RYR2: variants seen among roughly 807,000 people sequenced by gnomAD.
RYR2 encodes cardiac muscle ryanodine receptor-calcium release channel.
Under a neutral mutation model 601.1 loss-of-function variants are expected in RYR2, and 227 were observed. The ratio of observed to expected loss-of-function variants is 0.38; its 90% CI spans 0.34 to 0.42. The LOEUF is 0.42. Ranked by LOEUF, RYR2 falls within the 10% of genes least tolerant of loss-of-function variation. The pLI is 1.00. For missense variants in RYR2, 4,646 were observed against 6,156.5 expected (o/e 0.75, Z 8.21); for synonymous variants, 2,223 against 2,175.1 (o/e 1.02, Z -0.61).
chr1:237,309,157 C>A (rs12039527), intron 2 of RYR2, among the ~76,000 whole-genome samples: 2 of 126,836 alleles, frequency 1.6e-5, no homozygotes, highest in Admixed American at 1.6e-4. Flanking sequence ...ATTAGCTAGA[C>A]ACAGAGCACT....
At chr1:237,382,488 T>C (rs377560746) in intron 8 of RYR2, among the ~76,000 whole-genome samples, 19 of 151,832 alleles carry the variant, frequency 1.3e-4, no homozygotes, top group African/African-American at 4.6e-4. Flanking sequence ...TAACTTGTCA[T>C]TTACATTACG....
chr1:237,434,039 A>G (rs1707106853), intron 12 of RYR2, among the ~76,000 whole-genome samples: 1 of 152,198 alleles, frequency 6.6e-6, no homozygotes, highest in South Asian at 2.1e-4. Flanking sequence ...ATCTGGGTTT[A>G]GGAGTTTTGG....
At chr1:237,695,202 A>G (rs1450103230) in intron 63 of RYR2, among the ~76,000 whole-genome samples, 2 of 152,216 alleles carry the variant, frequency 1.3e-5, no homozygotes, top group African/African-American at 4.8e-5. Context: ...TGTTGTTTTT[A>G]TTATTTAGAG....
At chr1:237,284,639 T>G (rs1016617389) in intron 2 of RYR2, among the ~76,000 whole-genome samples, 4 of 132,808 alleles carry the variant, frequency 3.0e-5, no homozygotes, top group Non-Finnish European at 6.4e-5. Context: ...ATATGTATAG[T>G]GTGTGTATAT....
At chr1:237,515,572 A>G (rs979302503) in intron 24 of RYR2, among the ~76,000 whole-genome samples, 1 of 151,948 alleles carries the variant, frequency 6.6e-6, no homozygotes, top group Admixed American at 6.6e-5. Context: ...TTTTTGTCCA[A>G]GAGAGCAAGT....
intron 19 of RYR2, among the ~76,000 whole-genome samples, chr1:237,495,351 A>G (rs1663957093): frequency 6.6e-6 from 1 of 152,052 alleles, no homozygotes; most frequent in African/African-American, 2.4e-5. Context: ...TTCCAACCAC[A>G]CTGTGCTGGA....
In RYR2 at chr1:237,376,675, GCTTGA is replaced by G. The variant is rs71745673; in HGVS notation, c.464-643_464-639del. Among the ~76,000 whole-genome samples the G allele has an allele frequency of 6.1e-3, 927 of 152,272 alleles. 14 individuals are homozygous for G. Among genetic ancestry groups the G allele is most frequent in the African/African-American group, 0.02 (826 of 41,564 alleles). ...GAGACATGTGGCTCATGAGGCTTAT[GCTTGA>G]CTTGTGCTAGAAGAAATTGTTTGGT... On this transcript the variant is annotated intron_variant, in intron 7 of 104. Coordinates refer to ENST00000366574, the MANE Select transcript of RYR2 (RefSeq NM_001035.3).
chr1:237,532,482 A>C (rs1264105936), intron 25 of RYR2, among the ~76,000 whole-genome samples: 4 of 152,056 alleles, frequency 2.6e-5, no homozygotes, highest in African/African-American at 9.7e-5. Context: ...GAATCTACCT[A>C]ACTTCCAAAA....
chr1:237,366,373 C>T (rs1700193400), intron 5 of RYR2, among the ~76,000 whole-genome samples: 1 of 152,132 alleles, frequency 6.6e-6, no homozygotes, highest in African/African-American at 2.4e-5. Context: ...TTGTTACAGT[C>T]CTTCGGTGAC....
At chr1:237,762,425 C>G (rs150870395) in intron 84 of RYR2, among the ~76,000 whole-genome samples, 1 of 152,194 alleles carries the variant, frequency 6.6e-6, no homozygotes, top group Non-Finnish European at 1.5e-5. Flanking sequence ...TGAATGAAGT[C>G]TCTGTCCAAA....
chr1:237,477,023 G>C (rs184987622), intron 17 of RYR2, among the ~76,000 whole-genome samples: 1 of 152,138 alleles, frequency 6.6e-6, no homozygotes, highest in Non-Finnish European at 1.5e-5. Flanking sequence ...GTTAGCCAGA[G>C]GAATAAAAGA....
chr1:237,318,382 A>G (rs1695309371), intron 2 of RYR2, among the ~76,000 whole-genome samples: 2 of 152,248 alleles, frequency 1.3e-5, no homozygotes, highest in African/African-American at 2.4e-5. Context: ...TCTTTTAAAG[A>G]CGTTAAGAAA....
rs374594334 is a variant in RYR2 at position 237,353,043 on chromosome 1, T to C, written c.274-2922T>C. On this transcript the variant is annotated intron_variant, in intron 3 of 104. Coordinates refer to ENST00000366574, the MANE Select transcript of RYR2 (RefSeq NM_001035.3). ...TTGTTGAAGATTTGCGTGTGATACATTTATATGTCATTTGTTTTCTAGTAT... is the reference window on the plus strand; with the variant it reads ...TTGTTGAAGATTTGCGTGTGATACACTTATATGTCATTTGTTTTCTAGTAT... Among the ~76,000 whole-genome samples the C allele has an allele frequency of 1.1e-4, 16 of 152,288 alleles. No homozygotes were observed. In the South Asian group the frequency reaches 2.7e-3, roughly 26 times the overall value.
intron 36 of RYR2, 83 bp downstream of exon 36, chr1:237,611,071 G>C (rs1454464459): frequency 1.7e-6 from 2 of 1,178,396 alleles, no homozygotes. Flanking sequence ...GTGGTGCGGG[G>C]CAGGGGTGGT....
At chr1:237,752,126 T>C (rs1003735248) in intron 80 of RYR2, among the ~76,000 whole-genome samples, 3 of 152,198 alleles carry the variant, frequency 2.0e-5, no homozygotes, top group South Asian at 2.1e-4. Flanking sequence ...AGTATGTGTG[T>C]ACTGGTGTGG....
intron 41 of RYR2, among the ~76,000 whole-genome samples, chr1:237,628,346 A>G (rs1296838552): frequency 6.6e-6 from 1 of 150,472 alleles, no homozygotes; most frequent in Non-Finnish European, 1.5e-5. Flanking sequence ...CATTAGGTAT[A>G]TCTCCTAATG....
intron 1 of RYR2, among the ~76,000 whole-genome samples, chr1:237,109,209 A>G (rs1348367883): frequency 6.6e-6 from 1 of 151,446 alleles, no homozygotes; most frequent in African/African-American, 2.4e-5. Flanking sequence ...ATATGTATAT[A>G]TAAAATATAT....
chr1:237,670,606 G>GA (rs1423266381), intron 58 of RYR2, among the ~76,000 whole-genome samples: 2 of 151,992 alleles, frequency 1.3e-5, no homozygotes, highest in African/African-American at 2.4e-5. Context: ...CAGATTACAT[G>GA]AAAAAATGTC....
chr1:237,663,915 C>A (rs1473216355), intron 56 of RYR2, among the ~76,000 whole-genome samples: 6 of 152,090 alleles, frequency 3.9e-5, no homozygotes, highest in Admixed American at 3.9e-4. Context: ...ACAGAATATA[C>A]AATAGAGTAT....
Sources: gnomAD v4.1 joint callset for allele counts (sites outside exome capture counted in the v4.1 genomes callset) on GRCh38, gnomAD v4.1.1 for gene constraint, MANE v1.5 for transcripts, NCBI Gene and HGNC (gene_info 2026-07-23, HGNC 2026-07-21) for gene names.